TTC3: variants seen among roughly 807,000 people sequenced by gnomAD.
The protein encoded by TTC3 is tetratricopeptide repeat domain 3.
In TTC3, 180 loss-of-function variants were observed where a neutral mutation model predicts 249.6. The observed-to-expected ratio is 0.72, with a 90% CI of 0.64 to 0.82. The LOEUF (loss-of-function observed/expected upper bound fraction) is 0.82, where lower values mean the gene tolerates loss of function less well. Ranked by LOEUF, TTC3 falls within the 40% of genes least tolerant of loss-of-function variation. The probability of loss-of-function intolerance (pLI) is 0.00; values close to 1 mark genes in which losing one functional copy is unlikely to be tolerated. For missense variants in TTC3, 2,061 were observed against 2,398.4 expected, an observed-to-expected ratio of 0.86 and a Z score of 2.94; for synonymous variants, 717 against 805.0, an observed-to-expected ratio of 0.89 and a Z score of 1.85.
In TTC3 at chr21:37,177,980, C is replaced by T. The variant is rs562528801; in HGVS notation, c.4618-4794C>T. Among the ~76,000 whole-genome samples, 167 of 152,344 alleles carry T rather than the reference C, an allele frequency of 1.1e-3. 1 individual carries two copies. Among genetic ancestry groups the T allele is most frequent in the African/African-American group, 3.6e-3 (150 of 41,574 alleles). ...CTCACTAGCTGTCACTCCCCATTCT[C>T]TCCTGTATCCCAGCCCTTGGCAACC... On this transcript the variant is annotated intron_variant, in intron 35 of 45. Transcript: ENST00000355666.
At chr21:37,099,119 T>A (rs529832812) in intron 10 of TTC3, 14 of 152,330 alleles carry the variant, frequency 9.2e-5, no homozygotes, top group African/African-American at 3.1e-4. Context: ...AAGTCTTGAA[T>A]GCTAAAACTT....
At chr21:37,197,977 A>G in exon 44 of TTC3, 1 of 1,614,048 alleles carries the variant, frequency 6.2e-7, no homozygotes, top group Non-Finnish European at 8.5e-7. Context: ...TTGTTGCACC[A>G]TCACCCAAAA....
intron 22 of TTC3, among the ~76,000 whole-genome samples, chr21:37,148,250 C>T (rs759372505): frequency 6.6e-6 from 1 of 152,150 alleles, no homozygotes; most frequent in Admixed American, 6.6e-5. Flanking sequence ...TCATTGTGAT[C>T]ATTGAATTAG....
chr21:37,126,041 G>GTTTTT (rs201506911), intron 14 of TTC3, 39 bp from the exon 15 acceptor site: 3 of 1,262,170 alleles, frequency 2.4e-6, no homozygotes, highest in Non-Finnish European at 3.2e-6. Flanking sequence ...TGGCTGGGTT[G>GTTTTT]TTTTTTTTTT....
At chr21:37,122,423 T>TATATATATATATTATATATATATATA (rs1568978764) in intron 12 of TTC3, among the ~76,000 whole-genome samples, 22 of 59,562 alleles carry the variant, frequency 3.7e-4, no homozygotes, top group African/African-American at 1.4e-3. Flanking sequence ...ATATATAATA[T>TATATATATATATTATATATATATATA]ATATATATAT....
At chr21:37,153,782 T>C (rs886222757) in intron 27 of TTC3, among the ~76,000 whole-genome samples, 1 of 152,198 alleles carries the variant, frequency 6.6e-6, no homozygotes, top group African/African-American at 2.4e-5. Flanking sequence ...GGAGCTGTGT[T>C]GAGAAGACAA....
At chr21:37,116,981 C>T (rs547089802) in intron 11 of TTC3, among the ~76,000 whole-genome samples, 2 of 152,148 alleles carry the variant, frequency 1.3e-5, no homozygotes, top group Admixed American at 6.5e-5. Flanking sequence ...TTGATACTTC[C>T]ATTACTGCTC....
intron 10 of TTC3, chr21:37,099,059 A>G (rs2074224861): frequency 6.6e-6 from 1 of 152,230 alleles, no homozygotes; most frequent in African/African-American, 2.4e-5. Context: ...GAGATGTCCA[A>G]AGAGAACAGA....
Position 37,160,789 on chromosome 21 carries a change from C to T in TTC3, c.3040-13C>T, listed in dbSNP as rs944628760. The T allele has an allele frequency of 5.6e-6, 9 of 1,611,524 alleles. No individual in the cohort carries two copies. The highest frequency in any genetic ancestry group is 1.7e-5 in the Admixed American group (1 of 59,584). On this transcript the variant is annotated splice_polypyrimidine_tract_variant and intron_variant, in intron 29 of 45. Coordinates refer to ENST00000355666, the Ensembl canonical transcript of TTC3. ...TATTTGAGTGTTCACTGATTTTTCCCCCCATTTTTTAGTTTAGTTCAACCA... is the reference window on the plus strand; with the variant it reads ...TATTTGAGTGTTCACTGATTTTTCCTCCCATTTTTTAGTTTAGTTCAACCA...
intron 11 of TTC3, among the ~76,000 whole-genome samples, chr21:37,115,126 C>T (rs1006248618): frequency 6.6e-6 from 1 of 151,032 alleles, no homozygotes; most frequent in African/African-American, 2.4e-5. Context: ...ACATGTATAC[C>T]TATGTAACAA....
At position 37,135,530 on chromosome 21, in the gene TTC3, C is replaced by A; in HGVS notation, c.1578+16C>A. ...AAAAATAAAGGTAAATTTGCCATATCATAACTTGTTTATCAATGCTAATGC... is the reference window on the plus strand; with the variant it reads ...AAAAATAAAGGTAAATTTGCCATATAATAACTTGTTTATCAATGCTAATGC... On this transcript the variant is annotated intron_variant, in intron 18 of 45. Coordinates refer to ENST00000355666, the Ensembl canonical transcript of TTC3. The A allele has an allele frequency of 1.9e-6, 3 of 1,608,846 alleles. No individual in the cohort carries two copies. The South Asian group carries it at 3.3e-5, about 18-fold the overall frequency.
At chr21:37,134,611 T>C (rs2077764362) in intron 17 of TTC3, among the ~76,000 whole-genome samples, 1 of 152,142 alleles carries the variant, frequency 6.6e-6, no homozygotes. Context: ...GGCGCACACG[T>C]GTATAGCAAG....
intron 7 of TTC3, among the ~76,000 whole-genome samples, chr21:37,092,204 C>T (rs1276341580): frequency 6.6e-6 from 1 of 152,122 alleles, no homozygotes; most frequent in East Asian, 1.9e-4. Flanking sequence ...AATCTTGAAA[C>T]AGGAAAGGTT....
In TTC3 at chr21:37,191,313, T is replaced by C. The variant is rs778631330; in HGVS notation, c.5025-21T>C. On this transcript the variant is annotated intron_variant, in intron 39 of 45. Coordinates refer to ENST00000355666, the Ensembl canonical transcript of TTC3. ...TTAATTTTTAAAATTTCTAAAGCAG[T>C]TTTATATTATACTTTTTCAGTGATC... 2.6e-6 allele frequency: 4 copies of C among 1,546,434 alleles called. No homozygotes were observed. The Admixed American group carries it at 6.2e-5, about 24-fold the overall frequency.
chr21:37,097,886 T>C (rs1347483252), intron 10 of TTC3: 1 of 698,886 alleles, frequency 1.4e-6, no homozygotes, highest in African/African-American at 1.8e-5. Context: ...AAAATAACAT[T>C]TATTGTGTTT....
At chr21:37,198,015 C>T (rs1303695131) in exon 44 of TTC3, 1 of 1,609,386 alleles carries the variant, frequency 6.2e-7, no homozygotes, top group Admixed American at 1.7e-5. Flanking sequence ...GAAGATGTCC[C>T]TGTGAGGATT....
rs539370225 is a variant in TTC3 at position 37,186,350 on chromosome 21, T to A, written c.4826+576T>A. Among the ~76,000 whole-genome samples the A allele has an allele frequency of 3.3e-5, 5 of 152,372 alleles. No individual in the cohort carries two copies. The South Asian group carries it at 1.0e-3, about 32-fold the overall frequency. On this transcript the variant is annotated intron_variant, in intron 37 of 45. Transcript: ENST00000355666. ...GAATAATTTTGTACAGATTTCTTTTTCCCTTTGGGTTCTGTCCTTGTAATA... is the reference window on the plus strand; with the variant it reads ...GAATAATTTTGTACAGATTTCTTTTACCCTTTGGGTTCTGTCCTTGTAATA...
At chr21:37,128,733 C>T (rs1379985609) in intron 15 of TTC3, among the ~76,000 whole-genome samples, 6 of 152,108 alleles carry the variant, frequency 3.9e-5, no homozygotes, top group Admixed American at 6.6e-5. Flanking sequence ...AAACTGAGAA[C>T]AGGAGTTATC....
chr21:37,112,252 A>G (rs2147818486), intron 11 of TTC3, among the ~76,000 whole-genome samples: 1 of 152,354 alleles, frequency 6.6e-6, no homozygotes, highest in East Asian at 1.9e-4. Context: ...CAGTGAATCC[A>G]GGAGCTGGTT....
Sources: allele counts gnomAD v4.1 joint callset (sites outside exome capture counted in the v4.1 genomes callset), GRCh38; gene constraint gnomAD v4.1.1; transcripts MANE v1.5; gene names NCBI Gene and HGNC (gene_info 2026-07-23, HGNC 2026-07-21).